OPCML: variants seen among roughly 807,000 people sequenced by gnomAD.
OPCML encodes opioid binding protein/cell adhesion molecule like, also known as opioid-binding protein/cell adhesion molecule.
In OPCML, 13 loss-of-function variants were observed where a neutral mutation model predicts 37.8. The observed-to-expected ratio is 0.34, with a 90% CI of 0.22 to 0.55. OPCML has a LOEUF of 0.55. Among genes scored for constraint, OPCML ranks in the 20% least tolerant of loss-of-function variants. The pLI, the probability that OPCML is intolerant of heterozygous loss-of-function variation, is 0.91. For synonymous variants in OPCML, 176 were observed against 168.8 expected, an observed-to-expected ratio of 1.04 and a Z score of -0.33; for missense variants, 341 against 435.6, an observed-to-expected ratio of 0.78 and a Z score of 1.93.
intron 2 of OPCML, among the ~76,000 whole-genome samples, chr11:132,709,791 G>GCC (rs1256063831): frequency 6.6e-6 from 1 of 152,172 alleles, no homozygotes; most frequent in East Asian, 1.9e-4. Flanking sequence ...TTTATGATTT[G>GCC]TTAAAACCAA....
chr11:132,656,648 C>T (rs1244661555), intron 3 of OPCML, among the ~76,000 whole-genome samples: 1 of 152,190 alleles, frequency 6.6e-6, no homozygotes, highest in Admixed American at 6.5e-5. Context: ...CCCTCCAGAG[C>T]ATGCATGACC....
chr11:132,641,265 G>T (rs1269278769), intron 3 of OPCML, among the ~76,000 whole-genome samples: 1 of 152,108 alleles, frequency 6.6e-6, no homozygotes, highest in Non-Finnish European at 1.5e-5. Context: ...GTCAATGCTG[G>T]TTAGAATCTG....
At chr11:132,508,492 AG>A (rs2096262213) in intron 4 of OPCML, among the ~76,000 whole-genome samples, 4 of 143,216 alleles carry the variant, frequency 2.8e-5, no homozygotes, top group African/African-American at 5.1e-5. Flanking sequence ...TGGAAGATCT[AG>A]TCACACACAC....
chr11:133,326,705 T>A (rs1321471054), intron 1 of OPCML, among the ~76,000 whole-genome samples: 1 of 89,090 alleles, frequency 1.1e-5, no homozygotes, highest in Non-Finnish European at 2.1e-5. Flanking sequence ...GTGTATATTG[T>A]GTAGTGGGGT....
intron 1 of OPCML, among the ~76,000 whole-genome samples, chr11:133,530,043 G>A (rs555219958): frequency 1.3e-5 from 2 of 152,298 alleles, no homozygotes; most frequent in South Asian, 2.1e-4. Context: ...CAGAAAGAGG[G>A]CATGTTGCAG....
intron 2 of OPCML, among the ~76,000 whole-genome samples, chr11:132,712,128 G>A (rs1944289475): frequency 6.6e-6 from 1 of 152,206 alleles, no homozygotes; most frequent in Non-Finnish European, 1.5e-5. Context: ...GAAGGGGTTG[G>A]TAGTACAGCT....
At chr11:133,164,246 TAACAGACCCTCTGAGCCTTGTTTCCC>T (rs1950180661) in intron 1 of OPCML, among the ~76,000 whole-genome samples, 1 of 152,194 alleles carries the variant, frequency 6.6e-6, no homozygotes, top group Non-Finnish European at 1.5e-5. Context: ...TCTGGGCAAG[TAACAGACCCTCTGAGCCTTGTTTCCC>T]AACACACCCA....
intron 3 of OPCML, among the ~76,000 whole-genome samples, chr11:132,611,555 GT>G (rs1938641847): frequency 2.0e-5 from 3 of 152,108 alleles, no homozygotes; most frequent in Admixed American, 2.0e-4. Flanking sequence ...TGAGGACAAG[GT>G]TTTTATCTCA....
chr11:133,424,254 C>T (rs1945955193), intron 1 of OPCML, among the ~76,000 whole-genome samples: 1 of 152,164 alleles, frequency 6.6e-6, no homozygotes, highest in Non-Finnish European at 1.5e-5. Context: ...GCATCATTTG[C>T]TGCAGGAACA....
At chr11:132,577,583 A>G (rs531084317) in intron 3 of OPCML, among the ~76,000 whole-genome samples, 5 of 152,226 alleles carry the variant, frequency 3.3e-5, no homozygotes, top group African/African-American at 1.2e-4. Flanking sequence ...AGGTAACACA[A>G]ATACTCAGAA....
intron 1 of OPCML, among the ~76,000 whole-genome samples, chr11:133,334,211 T>C (rs780396172): frequency 6.6e-6 from 1 of 152,102 alleles, no homozygotes; most frequent in Non-Finnish European, 1.5e-5. Context: ...ATTGCAGCAC[T>C]CTTCAAACAG....
intron 1 of OPCML, among the ~76,000 whole-genome samples, chr11:133,141,839 C>G (rs556233415): frequency 1.3e-5 from 2 of 152,204 alleles, no homozygotes; most frequent in Admixed American, 1.3e-4. Flanking sequence ...CCTTCACTAT[C>G]CCCTAATTTC....
chr11:133,132,469 G>C (rs1949619968), intron 1 of OPCML, among the ~76,000 whole-genome samples: 1 of 152,148 alleles, frequency 6.6e-6, no homozygotes, highest in African/African-American at 2.4e-5. Context: ...AAAATAGTGT[G>C]ACAGTTTCTT....
At chr11:133,408,771 C>G (rs982011292) in intron 1 of OPCML, among the ~76,000 whole-genome samples, 5 of 152,186 alleles carry the variant, frequency 3.3e-5, no homozygotes, top group Non-Finnish European at 7.4e-5. Context: ...TGTGCAAACA[C>G]CACACAGACA....
rs181615750 is a variant in OPCML at position 132,426,472 on chromosome 11, C to T, written c.917-6179G>A. On this transcript the variant is annotated intron_variant, in intron 7 of 7. Transcript: ENST00000524381. Reference sequence around the variant, plus strand: ...CTTTTTTTTTAGAGACCGAGTCTCACTCTGTCACCCAGGCTGGAGCGCAGT... The same window carrying T: ...CTTTTTTTTTAGAGACCGAGTCTCATTCTGTCACCCAGGCTGGAGCGCAGT... Among the ~76,000 whole-genome samples the T allele has an allele frequency of 1.5e-3, 235 of 152,256 alleles. 1 individual carries two copies. The highest frequency in any genetic ancestry group is 1.1e-3 in the Non-Finnish European group (74 of 68,010).
chr11:133,458,221 T>C lies in OPCML; in HGVS notation c.61+74043A>G, dbSNP rs192317734. On this transcript the variant is annotated intron_variant, in intron 1 of 7. Transcript: ENST00000524381. The stretch of plus-strand genomic sequence containing the variant: ...ATACACGTGTGTGTATATATACACA[T>C]ATATACACGTGTGTGTATATATACA... Among the ~76,000 whole-genome samples the C allele has an allele frequency of 3.5e-3, 411 of 118,382 alleles. 20 individuals carry two copies. Among genetic ancestry groups the C allele is most frequent in the African/African-American group, 8.4e-3 (146 of 17,294 alleles). The allele number at this position is 118,382 out of a possible 152,430, so 77.7% of individuals were successfully genotyped here. A position where few individuals can be genotyped will look rare whatever the true frequency, so the allele number is the denominator to read the frequency against.
At chr11:133,252,176 C>A (rs1336562329) in intron 1 of OPCML, among the ~76,000 whole-genome samples, 1 of 152,108 alleles carries the variant, frequency 6.6e-6, no homozygotes, top group Non-Finnish European at 1.5e-5. Context: ...AGGATTAATT[C>A]CTAATGGAAA....
chr11:132,934,812 A>C (rs1044712793), intron 2 of OPCML, among the ~76,000 whole-genome samples: 1 of 152,008 alleles, frequency 6.6e-6, no homozygotes, highest in Non-Finnish European at 1.5e-5. Context: ...TTCCTCATCC[A>C]TCAGAGTAGT....
intron 3 of OPCML, among the ~76,000 whole-genome samples, chr11:132,558,376 T>G (rs182986466): frequency 5.6e-4 from 2 of 3,594 alleles, no homozygotes; most frequent in Admixed American, 5.1e-3. Flanking sequence ...CTCCTCCTCT[T>G]CCCCTCCTCC....
Sources: gnomAD v4.1 joint callset for allele counts (sites outside exome capture counted in the v4.1 genomes callset) on GRCh38, gnomAD v4.1.1 for gene constraint, MANE v1.5 for transcripts, NCBI Gene and HGNC (gene_info 2026-07-23, HGNC 2026-07-21) for gene names.